The following GSG1L variants were observed in gnomAD, a reference collection of about 807,000 sequenced individuals.
The protein encoded by GSG1L is germ cell-specific gene 1-like protein.
A neutral mutation model predicts 42.1 loss-of-function variants in GSG1L; 24 were observed. The observed-to-expected ratio is 0.57, with a 90% CI of 0.41 to 0.80. The LOEUF (loss-of-function observed/expected upper bound fraction) is 0.80. Among genes scored for constraint, GSG1L ranks in the 30% least tolerant of loss-of-function variants. The pLI, the probability that GSG1L is intolerant of heterozygous loss-of-function variation, is 0.00. For missense variants in GSG1L, 445 were observed against 472.2 expected, an observed-to-expected ratio of 0.94 and a Z score of 0.53; for synonymous variants, 215 against 203.5, an observed-to-expected ratio of 1.06 and a Z score of -0.48.
Position 27,829,971 on chromosome 16 carries a change from A to G in GSG1L, c.663-1015T>C, listed in dbSNP as rs374634468. 5.3e-5 allele frequency among the ~76,000 whole-genome samples: 8 copies of G among 152,278 alleles called. No individual in the cohort carries two copies. In the South Asian group the frequency reaches 1.0e-3, roughly 20 times the overall value. On this transcript the variant is annotated intron_variant, in intron 4 of 6. Transcript: ENST00000447459. ...GGCTTTCTCCTCCACAACTTTCTGT[A>G]CAGCTGGGACTCTTGGCAGCCCTCA...
At chr16:28,055,584 G>T (rs1446575398) in intron 1 of GSG1L, among the ~76,000 whole-genome samples, 18 of 151,748 alleles carry the variant, frequency 1.2e-4, no homozygotes, top group Non-Finnish European at 5.9e-5. Context: ...CAATTCTCCT[G>T]CCTCAGCCTC....
intron 1 of GSG1L, among the ~76,000 whole-genome samples, chr16:28,007,727 G>A (rs1299557300): frequency 6.6e-6 from 1 of 151,972 alleles, no homozygotes; most frequent in Non-Finnish European, 1.5e-5. Flanking sequence ...TGTTGCCCAG[G>A]CTGGTCTCAA....
At chr16:27,852,844 G>A (rs780773571) in intron 3 of GSG1L, among the ~76,000 whole-genome samples, 96 of 152,260 alleles carry the variant, frequency 6.3e-4, no homozygotes, top group Non-Finnish European at 1.0e-3. Flanking sequence ...AGGAGCAGCT[G>A]CAGTCCTCCC....
intron 1 of GSG1L, among the ~76,000 whole-genome samples, chr16:27,976,117 A>G (rs974480994): frequency 5.9e-5 from 9 of 152,246 alleles, no homozygotes; most frequent in East Asian, 1.9e-4. Flanking sequence ...TCTACATAAA[A>G]TACAAAAATT....
chr16:27,893,181 A>G (rs540252220), intron 2 of GSG1L, among the ~76,000 whole-genome samples: 1 of 152,340 alleles, frequency 6.6e-6, no homozygotes, highest in South Asian at 2.1e-4. Flanking sequence ...GTGTGGGGCC[A>G]GGAGTTGACA....
At chr16:27,939,324 C>T (rs2084759004) in intron 2 of GSG1L, among the ~76,000 whole-genome samples, 1 of 152,060 alleles carries the variant, frequency 6.6e-6, no homozygotes, top group African/African-American at 2.4e-5. Flanking sequence ...GGTGGAGTTT[C>T]ACTATGTTGC....
intron 1 of GSG1L, among the ~76,000 whole-genome samples, chr16:28,000,982 A>T (rs1380509969): frequency 6.6e-6 from 1 of 152,188 alleles, no homozygotes; most frequent in African/African-American, 2.4e-5. Context: ...AATTGCAATT[A>T]CAAGTCAATT....
At chr16:27,894,287 G>A (rs1384117605) in intron 2 of GSG1L, among the ~76,000 whole-genome samples, 1 of 152,196 alleles carries the variant, frequency 6.6e-6, no homozygotes, top group East Asian at 1.9e-4. Flanking sequence ...TCCTGTCTAA[G>A]GTGCCCATTA....
intron 5 of GSG1L, among the ~76,000 whole-genome samples, chr16:27,828,066 C>T (rs997009848): frequency 9.2e-5 from 14 of 151,638 alleles, no homozygotes; most frequent in Admixed American, 6.6e-5. Context: ...ATCCATCCAT[C>T]CATCCATCCA....
rs1220791137 is a variant in GSG1L, at chr16:27,788,872, C to T, written c.*2498G>A. 1.3e-5 allele frequency: 2 copies of T among 152,242 alleles called. No homozygotes were observed. The highest frequency in any genetic ancestry group is 2.9e-5 in the Non-Finnish European group (2 of 68,062). 9.4% of individuals were successfully genotyped at this position (152,242 alleles called of 1,614,324 possible). On this transcript the variant is annotated 3_prime_UTR_variant, in exon 7 of 7. Transcript: ENST00000447459. ...AAACAGGCACAGAAAGGTCAAGTAA[C>T]TCGCCCAAGGTCACAAGTGGAGAAG...
chr16:27,941,361 G>T (rs995822435), intron 2 of GSG1L, among the ~76,000 whole-genome samples: 1 of 151,354 alleles, frequency 6.6e-6, no homozygotes, highest in African/African-American at 2.4e-5. Context: ...AAGCTATGAG[G>T]TTGCAAAGGC....
chr16:27,867,102 C>A (rs2083737562), intron 3 of GSG1L, among the ~76,000 whole-genome samples: 1 of 152,302 alleles, frequency 6.6e-6, no homozygotes, highest in Admixed American at 6.5e-5. Flanking sequence ...ACAGAGGCCA[C>A]CTTGATGTCT....
intron 2 of GSG1L, among the ~76,000 whole-genome samples, chr16:27,947,396 GAA>G (rs2084887585): frequency 7.5e-6 from 1 of 132,658 alleles, no homozygotes; most frequent in Non-Finnish European, 1.6e-5. Flanking sequence ...AAGAAAGAAA[GAA>G]AGAAAGAAAG....
intron 1 of GSG1L, among the ~76,000 whole-genome samples, chr16:28,055,931 A>AC (rs66920215): frequency 0.76 from 116,253 of 151,982 alleles, 45,919 homozygotes; most frequent in South Asian, 0.9. Context: ...CGGGGGAGTG[A>AC]CGTGAGCTCC....
chr16:27,960,873 G>A (rs1230991012), intron 2 of GSG1L, among the ~76,000 whole-genome samples: 2 of 152,148 alleles, frequency 1.3e-5, no homozygotes, highest in Non-Finnish European at 2.9e-5. Flanking sequence ...TACACAGCCA[G>A]AAGGTTCTCG....
At chr16:27,895,546 C>T (rs1418222224) in intron 2 of GSG1L, among the ~76,000 whole-genome samples, 1 of 152,176 alleles carries the variant, frequency 6.6e-6, no homozygotes, top group African/African-American at 2.4e-5. Flanking sequence ...AGGGTTCTAA[C>T]AAACACCACA....
Position 28,063,223 on chromosome 16 carries a change from CG to C in GSG1L, c.201del (p.Ala68ProfsTer125). The C allele has an allele frequency of 1.6e-6, 2 of 1,241,052 alleles. No individual in the cohort carries two copies. Among genetic ancestry groups the C allele is most frequent in the South Asian group, 3.1e-5 (1 of 31,880 alleles). The allele number at this position is 1,241,052 out of a possible 1,614,324, so 76.9% of individuals were successfully genotyped here. A position where few individuals can be genotyped will look rare whatever the true frequency, so the allele number is the denominator to read the frequency against. ...ANATANGTAA[P>X]AAAAAAATAS... Reference sequence around the variant, plus strand: ...GCGGTGGCGGCGGCGGCGGCGGCGGCGGGGGCGGCGGTGCCGTTGGCCGTGG... The same window carrying C: ...GCGGTGGCGGCGGCGGCGGCGGCGGCGGGGCGGCGGTGCCGTTGGCCGTGG... On this transcript the variant is annotated frameshift_variant, in exon 1 of 7. Transcript: ENST00000447459. LOFTEE classifies it high-confidence loss of function. The surrounding 1 kb of genome is among the most constrained non-coding windows in gnomAD (Gnocchi z 5.8).
At position 27,861,099 on chromosome 16, in the gene GSG1L, G is replaced by T. The variant is rs577568744; in HGVS notation, c.551-16038C>A. Among the ~76,000 whole-genome samples the T allele has an allele frequency of 2.0e-5, 3 of 152,318 alleles. No homozygotes were observed. In the East Asian group the frequency reaches 5.8e-4, roughly 29 times the overall value. On this transcript the variant is annotated intron_variant, in intron 3 of 6. Coordinates refer to ENST00000447459, the MANE Select transcript of GSG1L (RefSeq NM_001109763.2). ...AGTGAAAGTGAGGGCCGGGTTCGGTGGTTCATGCTTGTAATCCCAGCACTC... is the reference window on the plus strand; with the variant it reads ...AGTGAAAGTGAGGGCCGGGTTCGGTTGTTCATGCTTGTAATCCCAGCACTC...
At chr16:28,011,446 A>G (rs1596699303) in intron 1 of GSG1L, among the ~76,000 whole-genome samples, 1 of 152,174 alleles carries the variant, frequency 6.6e-6, no homozygotes, top group African/African-American at 2.4e-5. Context: ...GACAAAAGGG[A>G]GTGTGAGGAC....
Sources: gnomAD v4.1 joint callset for allele counts (sites outside exome capture counted in the v4.1 genomes callset) on GRCh38, gnomAD v4.1.1 for gene constraint, Gnocchi (gnomAD v3.1) non-coding constraint, MANE v1.5 for transcripts, NCBI Gene and HGNC (gene_info 2026-07-23, HGNC 2026-07-21) for gene names.